TENM4: variants seen among roughly 807,000 people sequenced by gnomAD.
TENM4 encodes the protein teneurin-4.
TENM4 carries 82 observed loss-of-function variants against 243.3 expected under a neutral mutation model. The ratio of observed to expected loss-of-function variants is 0.34; its 90% CI spans 0.28 to 0.40. The LOEUF (loss-of-function observed/expected upper bound fraction) is 0.40, where lower values mean the gene tolerates loss of function less well. Among genes scored for constraint, TENM4 ranks in the 10% least tolerant of loss-of-function variants. TENM4 has a pLI of 1.00. For synonymous variants in TENM4, 1,412 were observed against 1,456.3 expected (o/e 0.97, Z 0.69); for missense variants, 3,138 against 3,673.3 (o/e 0.85, Z 3.77).
chr11:78,869,748 C>T (rs1195220634), intron 9 of TENM4, among the ~76,000 whole-genome samples: 1 of 152,150 alleles, frequency 6.6e-6, no homozygotes, highest in Non-Finnish European at 1.5e-5. Flanking sequence ...GGTTCCAAAG[C>T]CCAGGTTCCC....
chr11:79,191,900 C>T (rs146065851), intron 3 of TENM4: 11,314 of 170,354 alleles, frequency 0.066, 905 homozygotes, highest in East Asian at 0.39. Flanking sequence ...GCTGCCACCT[C>T]GTCTGGGAAG....
At chr11:78,658,952 A>T (rs1442702487) in intron 33 of TENM4, 136 bp from the exon 34 acceptor site, 2 of 1,010,350 alleles carry the variant, frequency 2.0e-6, no homozygotes, top group African/African-American at 1.6e-5. Flanking sequence ...ACCGCTGACC[A>T]CCAGAACATC....
At chr11:79,402,383 T>C (rs1270970418) in intron 1 of TENM4, among the ~76,000 whole-genome samples, 3 of 152,254 alleles carry the variant, frequency 2.0e-5, no homozygotes, top group Non-Finnish European at 1.5e-5. Flanking sequence ...TCATGTACCA[T>C]CTATCCCTTT....
chr11:79,247,798 A>G (rs892115891), intron 2 of TENM4, among the ~76,000 whole-genome samples: 2 of 152,240 alleles, frequency 1.3e-5, no homozygotes, highest in Non-Finnish European at 2.9e-5. Context: ...TTTAAAACCA[A>G]AAGACAACTC....
chr11:79,224,274 T>C (rs1051683808), intron 2 of TENM4, among the ~76,000 whole-genome samples: 9 of 152,214 alleles, frequency 5.9e-5, no homozygotes, highest in African/African-American at 1.9e-4. Flanking sequence ...TCACTGGCTG[T>C]CATTGATTGG....
chr11:79,120,063 G>T (rs534272447), intron 4 of TENM4, among the ~76,000 whole-genome samples: 83 of 152,276 alleles, frequency 5.5e-4, no homozygotes, highest in African/African-American at 1.9e-3. Context: ...TGAAGCCTTG[G>T]GAAGGAAGCA....
intron 32 of TENM4, among the ~76,000 whole-genome samples, chr11:78,666,096 T>C (rs1166951346): frequency 6.6e-6 from 1 of 152,204 alleles, no homozygotes; most frequent in African/African-American, 2.4e-5. Flanking sequence ...AAGATGCATG[T>C]AGTCTACCTG....
intron 6 of TENM4, among the ~76,000 whole-genome samples, chr11:78,960,413 G>A (rs1203181913): frequency 3.9e-5 from 6 of 152,302 alleles, no homozygotes; most frequent in African/African-American, 1.4e-4. Flanking sequence ...GGTAGGTAAT[G>A]ACCGCCCTTC....
intron 4 of TENM4, among the ~76,000 whole-genome samples, chr11:79,135,728 T>A (rs933771036): frequency 8.6e-5 from 12 of 139,948 alleles, no homozygotes; most frequent in African/African-American, 3.1e-4. Context: ...ATCATACATA[T>A]ATGATATATA....
intron 6 of TENM4, among the ~76,000 whole-genome samples, chr11:78,986,724 C>T (rs936915551): frequency 3.9e-5 from 6 of 152,212 alleles, no homozygotes; most frequent in Non-Finnish European, 7.3e-5. Context: ...CAGGCATCTG[C>T]CATGATGCCT....
intron 6 of TENM4, among the ~76,000 whole-genome samples, chr11:79,006,371 A>C (rs1292488781): frequency 6.6e-6 from 1 of 152,346 alleles, no homozygotes; most frequent in Non-Finnish European, 1.5e-5. Context: ...CCCCAAACAC[A>C]TAATAGGATA....
intron 2 of TENM4, among the ~76,000 whole-genome samples, chr11:79,295,587 C>A (rs557520052): frequency 6.6e-6 from 1 of 152,128 alleles, no homozygotes; most frequent in Non-Finnish European, 1.5e-5. Context: ...GTCCTGACAC[C>A]AGCACTGTCT....
intron 33 of TENM4, 99 bp downstream of exon 33, chr11:78,661,350 G>C: frequency 6.9e-7 from 1 of 1,452,102 alleles, no homozygotes; most frequent in South Asian, 1.4e-5. Flanking sequence ...GCACCACATT[G>C]GTGTCTATCA....
At chr11:79,018,018 C>A (rs1858823131) in intron 6 of TENM4, among the ~76,000 whole-genome samples, 2 of 152,108 alleles carry the variant, frequency 1.3e-5, no homozygotes. Flanking sequence ...GCTGGAAAAC[C>A]ATTTGGCTGC....
intron 4 of TENM4, among the ~76,000 whole-genome samples, chr11:79,139,785 T>TTG (rs1555016086): frequency 1.0e-4 from 2 of 19,094 alleles, no homozygotes; most frequent in African/African-American, 4.9e-4. Flanking sequence ...ATAATATATA[T>TTG]TATATTTATA....
In TENM4 at chr11:79,440,235, C is replaced by T. The variant is rs1186918517; in HGVS notation, c.-321+274G>A. On this transcript the variant is annotated intron_variant, in intron 1 of 33. Coordinates refer to ENST00000278550, the MANE Select transcript of TENM4 (RefSeq NM_001098816.3). The surrounding 1 kb of genome is among the most constrained non-coding windows in gnomAD (Gnocchi z 4.7). ...CCCACCCGCTTCCCACCTCCCTGCC[C>T]TCCCCCAACCCTTGCTCCCAGGCTC... Among the ~76,000 whole-genome samples, 1 of 152,086 alleles carries T rather than the reference C, an allele frequency of 6.6e-6. No homozygotes were observed. The highest frequency in any genetic ancestry group is 2.1e-4 in the South Asian group (1 of 4,836).
intron 3 of TENM4, among the ~76,000 whole-genome samples, chr11:79,151,194 G>A (rs1285656130): frequency 6.6e-6 from 1 of 152,166 alleles, no homozygotes; most frequent in East Asian, 1.9e-4. Context: ...ACTGTGTGCT[G>A]AGAAAATTCT....
At chr11:79,383,298 C>T (rs1858044717) in intron 1 of TENM4, among the ~76,000 whole-genome samples, 1 of 152,244 alleles carries the variant, frequency 6.6e-6, no homozygotes, top group Admixed American at 6.5e-5. Context: ...CTTTTGGCTT[C>T]AGAAATACCA....
At chr11:78,823,849 C>T (rs534758996) in intron 12 of TENM4, among the ~76,000 whole-genome samples, 1 of 152,328 alleles carries the variant, frequency 6.6e-6, no homozygotes, top group South Asian at 2.1e-4. Context: ...CCAGGATCTA[C>T]TTCATAGCTT....
Sources: allele counts gnomAD v4.1 joint callset (sites outside exome capture counted in the v4.1 genomes callset), GRCh38; gene constraint gnomAD v4.1.1; non-coding constraint Gnocchi (gnomAD v3.1); transcripts MANE v1.5; gene names NCBI Gene and HGNC (gene_info 2026-07-23, HGNC 2026-07-21).